MTMR10: variants seen among roughly 807,000 people sequenced by gnomAD.
The protein encoded by MTMR10 is myotubularin-related protein 10.
In MTMR10, 56 loss-of-function variants were observed where a neutral mutation model predicts 88.1. The observed-to-expected ratio is 0.64, with a 90% confidence interval of 0.51 to 0.79. The LOEUF is 0.79. MTMR10 is among the 30% of genes least tolerant of loss of function. The probability of loss-of-function intolerance (pLI) is 0.00; values close to 1 mark genes in which losing one functional copy is unlikely to be tolerated. For synonymous variants in MTMR10, 380 were observed against 340.9 expected (o/e 1.11, Z -1.26); for missense variants, 883 against 924.7 (o/e 0.95, Z 0.58).
chr15:30,966,545 G>C (rs565475750), intron 6 of MTMR10, among the ~76,000 whole-genome samples: 29 of 152,278 alleles, frequency 1.9e-4, no homozygotes, highest in Non-Finnish European at 4.0e-4. Flanking sequence ...TACAACCCTT[G>C]CAACTCTGGG....
chr15:30,973,357 C>T (rs571610650), intron 5 of MTMR10, among the ~76,000 whole-genome samples: 1 of 152,142 alleles, frequency 6.6e-6, no homozygotes, highest in East Asian at 1.9e-4. Context: ...TCATCTCCTG[C>T]TTGCCTTCCT....
intron 12 of MTMR10, chr15:30,948,835 TA>T (rs1361165968): frequency 3.8e-6 from 1 of 264,014 alleles, no homozygotes; most frequent in African/African-American, 2.3e-5. Flanking sequence ...CACATGGCAA[TA>T]CTGAGAAGTG....
Position 30,939,644 on chromosome 15 carries a change from T to A in MTMR10, c.*1826A>T, listed in dbSNP as rs1210662071. On this transcript the variant is annotated 3_prime_UTR_variant, in exon 16 of 16. Transcript: ENST00000435680. ...AACTTGTAAATTAACAACAATAAAA[T>A]ACTACAAGAGTTAAAATAAACGTGA... is the stretch of plus-strand genomic sequence containing the variant. 1.1e-6 allele frequency: 1 copy of A among 872,952 alleles called. No homozygotes were observed. The highest frequency in any genetic ancestry group is 1.3e-6 in the Non-Finnish European group (1 of 757,422). 54.1% of individuals were successfully genotyped at this position (872,952 alleles called of 1,614,324 possible).
chr15:30,942,853 T>G (rs1296378874), intron 15 of MTMR10, 37 bp downstream of exon 15: 1 of 1,529,238 alleles, frequency 6.5e-7, no homozygotes, highest in Admixed American at 2.0e-5. Flanking sequence ...TTTGGTTACG[T>G]GTGAGCCAAC....
intron 6 of MTMR10, among the ~76,000 whole-genome samples, chr15:30,967,325 G>A (rs1423455146): frequency 1.3e-5 from 2 of 152,090 alleles, no homozygotes; most frequent in Non-Finnish European, 1.5e-5. Flanking sequence ...ATGATCATCT[G>A]GAATCTTCCC....
rs577363575 is a variant in MTMR10, at chr15:30,965,510, C to CT, written c.565+2409dup. 2.0e-5 allele frequency among the ~76,000 whole-genome samples: 3 copies of CT among 152,274 alleles called. No homozygotes were observed. The South Asian group carries it at 6.2e-4, about 32-fold the overall frequency. On this transcript the variant is annotated intron_variant, in intron 6 of 15. Transcript: ENST00000435680. ...ATTCTATAAGAAAGATGAATCTGTA[C>CT]TTTTTTGACGTTATTTGCCCAATAA...
intron 7 of MTMR10, among the ~76,000 whole-genome samples, chr15:30,960,596 G>C (rs559228654): frequency 6.6e-6 from 1 of 152,266 alleles, no homozygotes; most frequent in Non-Finnish European, 1.5e-5. Flanking sequence ...GAAGACTTTA[G>C]ATCCTGATAT....
chr15:30,966,474 C>T (rs957203884), intron 6 of MTMR10, among the ~76,000 whole-genome samples: 1 of 152,148 alleles, frequency 6.6e-6, no homozygotes, highest in Non-Finnish European at 1.5e-5. Context: ...ATTGGAAAAA[C>T]AGCAGCATGA....
At chr15:30,954,244 C>T (rs779623547) in intron 10 of MTMR10, among the ~76,000 whole-genome samples, 3 of 152,212 alleles carry the variant, frequency 2.0e-5, no homozygotes, top group Admixed American at 2.0e-4. Context: ...CCTTTGCTGA[C>T]TCCCTGGTGA....
rs775016653 is a variant in MTMR10, at chr15:30,941,629, G to A, written c.2175C>T (p.His725=). 4 of 1,607,128 alleles carry A rather than the reference G, an allele frequency of 2.5e-6. No homozygotes were observed. Among genetic ancestry groups the A allele is most frequent in the Non-Finnish European group, 2.5e-6 (3 of 1,176,672 alleles). ...RMYFNASGPH[H]TDTSGTPEFL... is the part of the protein sequence containing the mutation. ...ACTCCGGTGTCCCCGAGGTGTCGGT[G>A]TGGTGAGGGCCGCTGGCGTTGAAGT... is the stretch of plus-strand genomic sequence containing the variant. Residue 725 remains histidine, a synonymous_variant, in exon 16 of 16, where the codon CAC becomes CAT. Transcript: ENST00000435680.
Position 30,947,256 on chromosome 15 carries a change from T to C in MTMR10, c.1422A>G (p.Leu474=), listed in dbSNP as rs1246579239. 1.9e-6 allele frequency: 3 copies of C among 1,613,698 alleles called. No individual in the cohort carries two copies. Among genetic ancestry groups the C allele is most frequent in the Non-Finnish European group, 2.5e-6 (3 of 1,179,856 alleles). The change falls in exon 14 of 16, where the codon TTA becomes TTG. Residue 474 remains leucine (L), a synonymous_variant. Transcript: ENST00000435680. The part of the protein sequence containing the change: ...LLFLDATWQL[L]EQYPAAFEFS... ...ACTCAAAAGCTGCAGGATATTGTTC[T>C]AACAGCTGCCAGGTGGCATCCAAGA...
chr15:30,941,378 GTTA>G lies in MTMR10; in HGVS notation c.*89_*91del. The stretch of plus-strand genomic sequence containing the variant: ...TCCAACTATTATTCTTACATATAAA[GTTA>G]TTAGAGATTCAAACGCCTAGGTTAG... On this transcript the variant is annotated 3_prime_UTR_variant, in exon 16 of 16. Coordinates refer to ENST00000435680, the MANE Select transcript of MTMR10 (RefSeq NM_017762.3). 2 of 1,533,798 alleles carry G rather than the reference GTTA, an allele frequency of 1.3e-6. No homozygotes were observed. The highest frequency in any genetic ancestry group is 2.1e-5 in the Admixed American group (1 of 47,846).
At chr15:30,943,932 A>G (rs2063126399) in intron 14 of MTMR10, 1 of 985,444 alleles carries the variant, frequency 1.0e-6, no homozygotes, top group Non-Finnish European at 1.2e-6. Context: ...AGTTCGCTGG[A>G]GGAAATAACT....
chr15:30,941,812 C>T lies in MTMR10; in HGVS notation c.1992G>A (p.Trp664Ter). 2 of 1,614,044 alleles carry T rather than the reference C, an allele frequency of 1.2e-6. No homozygotes were observed. The highest frequency in any genetic ancestry group is 1.7e-6 in the Non-Finnish European group (2 of 1,179,908). ...CCAGGCTGATCTGGGCCTCGGGAAC[C>T]CAGCGGAAGTAGCACAGTTTCCACA... ...IKLWKLCYFR[W>*]VPEAQISLGG... is the part of the protein sequence containing the mutation. The change falls in exon 16 of 16, where the codon TGG (tryptophan) becomes TGA (stop). Residue 664 changes from tryptophan (W) to a stop codon, truncating the protein, a stop_gained. Coordinates refer to ENST00000435680, the MANE Select transcript of MTMR10 (RefSeq NM_017762.3). LOFTEE classifies it high-confidence loss of function.
chr15:30,952,011 A>G lies in MTMR10; in HGVS notation c.1164T>C (p.Leu388=), dbSNP rs1444019243. 3 of 1,613,880 alleles carry G rather than the reference A, an allele frequency of 1.9e-6. No individual in the cohort carries two copies. The highest frequency in any genetic ancestry group is 1.7e-5 in the Admixed American group (1 of 60,016). ...GATGTTTGCTTTCTAGCATGTATAC[A>G]AGTTCTGCTGAATGCTTAAGGAATG... ...VRAFLKHSAE[L]VYMLESKHLS... is the part of the protein sequence containing the mutation. Residue 388 remains leucine, a synonymous_variant, in exon 12 of 16, where the codon CTT becomes CTC. Coordinates refer to ENST00000435680, the MANE Select transcript of MTMR10 (RefSeq NM_017762.3).
chr15:30,944,081 T>C, intron 14 of MTMR10: 5 of 922,372 alleles, frequency 5.4e-6, no homozygotes, highest in Non-Finnish European at 6.5e-6. Flanking sequence ...ATGAATGTTA[T>C]TAGGACAAGA....
chr15:30,944,987 G>T (rs1323560641), intron 14 of MTMR10, among the ~76,000 whole-genome samples: 14 of 151,414 alleles, frequency 9.2e-5, no homozygotes, highest in Admixed American at 2.0e-4. Context: ...ACTCCAGCCT[G>T]GGTGACAGAG....
chr15:30,937,054 A>G (rs1244975253), downstream of MTMR10: 9 of 1,399,448 alleles, frequency 6.4e-6, no homozygotes, highest in Non-Finnish European at 8.9e-6. Context: ...GACAACTACA[A>G]CTTACTTGAA....
rs1444364047 is a variant in MTMR10, at chr15:30,955,552, G to C, written c.936-659C>G. On this transcript the variant is annotated intron_variant, in intron 9 of 15. Transcript: ENST00000435680. Reference sequence around the variant, plus strand: ...CCCAAAGTGCTGGGATTACAGGCGTGAGCCACCGCGCCCGGGCTCATTCCC... The same window carrying C: ...CCCAAAGTGCTGGGATTACAGGCGTCAGCCACCGCGCCCGGGCTCATTCCC... 3.3e-5 allele frequency among the ~76,000 whole-genome samples: 5 copies of C among 152,168 alleles called. No individual in the cohort carries two copies. In the South Asian group the frequency reaches 1.0e-3, roughly 32 times the overall value.
Sources: gnomAD v4.1 joint callset for allele counts (sites outside exome capture counted in the v4.1 genomes callset) on GRCh38, gnomAD v4.1.1 for gene constraint, MANE v1.5 for transcripts, NCBI Gene and HGNC (gene_info 2026-07-23, HGNC 2026-07-21) for gene names.